Variants in THEMIS observed in about 807,000 individuals in gnomAD.
THEMIS encodes protein THEMIS.
In THEMIS, 37 loss-of-function variants were observed where a neutral mutation model predicts 52.6. The observed-to-expected ratio is 0.70, with a 90% CI of 0.54 to 0.93. The LOEUF is 0.93. Among genes scored for constraint, THEMIS ranks in the 40% least tolerant of loss-of-function variants. The probability of loss-of-function intolerance (pLI) is 0.00; values close to 1 mark genes in which losing one functional copy is unlikely to be tolerated. For synonymous variants in THEMIS, 292 were observed against 272.7 expected (o/e 1.07, Z -0.70); for missense variants, 808 against 763.1 (o/e 1.06, Z -0.69).
At chr6:127,770,837 T>A (rs1196756704) in intron 4 of THEMIS, among the ~76,000 whole-genome samples, 1 of 152,238 alleles carries the variant, frequency 6.6e-6, no homozygotes, top group Non-Finnish European at 1.5e-5. Context: ...TTTCTCCATA[T>A]GGCTAGCCAG....
chr6:127,762,956 G>GA (rs548264253), intron 4 of THEMIS, among the ~76,000 whole-genome samples: 22 of 149,122 alleles, frequency 1.5e-4, no homozygotes, highest in African/African-American at 3.7e-4. Context: ...TATCTGCACT[G>GA]AAAAAAAAAG....
At chr6:127,880,835 A>C (rs1012795191) in intron 1 of THEMIS, among the ~76,000 whole-genome samples, 1 of 152,164 alleles carries the variant, frequency 6.6e-6, no homozygotes, top group African/African-American at 2.4e-5. Context: ...ATAACAACAA[A>C]AAAGTATTTT....
intron 1 of THEMIS, among the ~76,000 whole-genome samples, chr6:127,873,646 G>A (rs1016146780): frequency 2.0e-5 from 3 of 152,106 alleles, no homozygotes; most frequent in Non-Finnish European, 4.4e-5. Context: ...AGGGGTTAAG[G>A]GCACTGGCCT....
intron 4 of THEMIS, among the ~76,000 whole-genome samples, chr6:127,756,132 T>C (rs766421340): frequency 2.0e-5 from 3 of 152,154 alleles, no homozygotes; most frequent in Non-Finnish European, 2.9e-5. Context: ...AATCTACATG[T>C]AAAAGTATTG....
intron 1 of THEMIS, among the ~76,000 whole-genome samples, chr6:127,911,353 T>C (rs1395781151): frequency 2.7e-5 from 4 of 150,538 alleles, no homozygotes; most frequent in Non-Finnish European, 4.4e-5. Context: ...CTCCTTCATT[T>C]ATTTATTTAT....
At chr6:127,784,950 ACTAT>A (rs59805084) in intron 4 of THEMIS, among the ~76,000 whole-genome samples, 28,420 of 145,106 alleles carry the variant, frequency 0.2, 2,886 homozygotes, top group East Asian at 0.29. Flanking sequence ...AGGCAGTCAC[ACTAT>A]CTATCTATCT....
chr6:127,733,427 G>T (rs1774878858), intron 4 of THEMIS, among the ~76,000 whole-genome samples: 1 of 152,134 alleles, frequency 6.6e-6, no homozygotes, highest in Non-Finnish European at 1.5e-5. Flanking sequence ...AATGTTCAAA[G>T]AACTTAACCA....
chr6:127,770,263 T>C (rs770092837), intron 4 of THEMIS, among the ~76,000 whole-genome samples: 1 of 152,248 alleles, frequency 6.6e-6, no homozygotes, highest in Non-Finnish European at 1.5e-5. Flanking sequence ...TTCGTATTTC[T>C]CCACATCGTC....
intron 1 of THEMIS, among the ~76,000 whole-genome samples, chr6:127,856,203 C>A (rs966517512): frequency 1.3e-5 from 2 of 151,896 alleles, no homozygotes; most frequent in African/African-American, 4.8e-5. Context: ...TGTAGAACCA[C>A]CTCCTCATAG....
At chr6:127,780,534 C>A (rs1222035189) in intron 4 of THEMIS, among the ~76,000 whole-genome samples, 1 of 152,074 alleles carries the variant, frequency 6.6e-6, no homozygotes, top group Non-Finnish European at 1.5e-5. Context: ...TGGCTGGTAC[C>A]AGTTTTTCCT....
At chr6:127,914,892 T>C (rs1288383290) in intron 1 of THEMIS, among the ~76,000 whole-genome samples, 1 of 152,182 alleles carries the variant, frequency 6.6e-6, no homozygotes, top group Non-Finnish European at 1.5e-5. Flanking sequence ...AGTAAAATAT[T>C]TTATGTGTGC....
the THEMIS span, among the ~76,000 whole-genome samples, chr6:127,702,845 C>T: frequency 6.6e-6 from 1 of 151,858 alleles, no homozygotes; most frequent in African/African-American, 2.4e-5. Context: ...TTTTTAAAAC[C>T]ATCAGATCTT....
chr6:127,739,952 G>A (rs1775141822), intron 4 of THEMIS, among the ~76,000 whole-genome samples: 1 of 152,166 alleles, frequency 6.6e-6, no homozygotes, highest in South Asian at 2.1e-4. Context: ...GAGCAGACAT[G>A]CATCCATTCT....
chr6:127,704,383 T>A (rs1773773508), downstream of THEMIS, among the ~76,000 whole-genome samples: 1 of 152,144 alleles, frequency 6.6e-6, no homozygotes, highest in Admixed American at 6.6e-5. Context: ...ACTTGAAAGA[T>A]CTGTGGTACT....
intron 4 of THEMIS, among the ~76,000 whole-genome samples, chr6:127,796,419 T>C (rs770177001): frequency 3.3e-5 from 5 of 152,170 alleles, no homozygotes; most frequent in Non-Finnish European, 5.9e-5. Context: ...ACAAATTTAA[T>C]TGATAGCTTG....
chr6:127,716,995 A>T (rs1047770805), intron 5 of THEMIS, among the ~76,000 whole-genome samples: 5 of 151,964 alleles, frequency 3.3e-5, no homozygotes, highest in Admixed American at 6.6e-5. Context: ...TCTCAAAGGC[A>T]AAAAATGCAG....
chr6:127,850,620 T>G (rs1437084649), intron 2 of THEMIS, among the ~76,000 whole-genome samples: 2 of 151,802 alleles, frequency 1.3e-5, no homozygotes, highest in South Asian at 4.1e-4. Flanking sequence ...TTATTTTAAC[T>G]GCAATAACTC....
At chr6:127,739,364 T>C (rs755627994) in intron 4 of THEMIS, among the ~76,000 whole-genome samples, 9 of 152,174 alleles carry the variant, frequency 5.9e-5, no homozygotes, top group Non-Finnish European at 1.3e-4. Context: ...AAATTATTTC[T>C]AGGCCAGGCC....
chr6:127,825,997 C>G (rs1314420534), intron 3 of THEMIS, among the ~76,000 whole-genome samples: 2 of 152,056 alleles, frequency 1.3e-5, no homozygotes, highest in Non-Finnish European at 2.9e-5. Flanking sequence ...AATGCTTAGC[C>G]ATAACTTATA....
Sources: allele counts gnomAD v4.1 joint callset (sites outside exome capture counted in the v4.1 genomes callset), GRCh38; gene constraint gnomAD v4.1.1; transcripts MANE v1.5; gene names NCBI Gene and HGNC (gene_info 2026-07-23, HGNC 2026-07-21).